SOX5: variants seen among roughly 807,000 people sequenced by gnomAD.
SOX5 encodes the protein SRY-box transcription factor 5, also known as transcription factor SOX-5.
SOX5 carries 9 observed loss-of-function variants against 92.0 expected under a neutral mutation model. That is an observed-to-expected ratio of 0.10 (90% CI 0.06 to 0.17). The LOEUF (loss-of-function observed/expected upper bound fraction) is 0.17. Ranked by LOEUF, SOX5 falls within the 10% of genes least tolerant of loss-of-function variation. The pLI is 1.00. For synonymous variants in SOX5, 344 were observed against 336.3 expected (o/e 1.02, Z -0.25); for missense variants, 642 against 944.5 (o/e 0.68, Z 4.20).
chr12:23,883,169 A>G (rs1180004799), intron 2 of SOX5, among the ~76,000 whole-genome samples: 2 of 150,020 alleles, frequency 1.3e-5, no homozygotes, highest in African/African-American at 4.9e-5. Context: ...CGAGAGTGCG[A>G]GACTCCATCT....
intron 1 of SOX5, among the ~76,000 whole-genome samples, chr12:24,504,374 T>A (rs1438041559): frequency 6.6e-6 from 1 of 152,136 alleles, no homozygotes; most frequent in African/African-American, 2.4e-5. Context: ...TGTGGGCTTT[T>A]AAAAAAATTA....
chr12:23,580,397 C>T (rs1411837819), intron 9 of SOX5, among the ~76,000 whole-genome samples: 1 of 151,946 alleles, frequency 6.6e-6, no homozygotes, highest in Non-Finnish European at 1.5e-5. Flanking sequence ...GTAATACAAA[C>T]ATTTGCTATT....
chr12:23,782,283 G>A (rs2095296250), intron 3 of SOX5, among the ~76,000 whole-genome samples: 1 of 152,058 alleles, frequency 6.6e-6, no homozygotes, highest in African/African-American at 2.4e-5. Flanking sequence ...TGTGGACAAT[G>A]AGAATACGTG....
chr12:23,919,297 T>A (rs1276592243), intron 1 of SOX5, among the ~76,000 whole-genome samples: 1 of 152,180 alleles, frequency 6.6e-6, no homozygotes, highest in Non-Finnish European at 1.5e-5. Flanking sequence ...TGGATTTTTA[T>A]GAGGAATGTC....
At chr12:23,890,930 C>G (rs553308963) in intron 2 of SOX5, among the ~76,000 whole-genome samples, 1 of 152,122 alleles carries the variant, frequency 6.6e-6, no homozygotes, top group African/African-American at 2.4e-5. Context: ...TTTCACATTG[C>G]TTTCAACTGT....
chr12:23,732,751 C>T (rs12426926), intron 6 of SOX5, among the ~76,000 whole-genome samples: 1 of 152,142 alleles, frequency 6.6e-6, no homozygotes, highest in Admixed American at 6.5e-5. Context: ...TCATACTCCA[C>T]AAAAGTTCTA....
chr12:23,991,331 A>C (rs997656116), intron 4 of SOX5, among the ~76,000 whole-genome samples: 3 of 150,642 alleles, frequency 2.0e-5, no homozygotes, highest in African/African-American at 7.4e-5. Flanking sequence ...TAAAAAAAAA[A>C]CAACAACAAC....
At chr12:23,958,813 T>C (rs1237608569) in intron 4 of SOX5, among the ~76,000 whole-genome samples, 3 of 151,560 alleles carry the variant, frequency 2.0e-5, no homozygotes, top group African/African-American at 4.8e-5. Context: ...GTAAAATATA[T>C]ATTAAAGAAT....
intron 5 of SOX5, among the ~76,000 whole-genome samples, chr12:23,739,463 T>G (rs930962899): frequency 2.6e-5 from 4 of 152,198 alleles, no homozygotes; most frequent in Non-Finnish European, 4.4e-5. Context: ...TAGTTTCAAT[T>G]TGATATTAGA....
At chr12:23,625,493 T>C (rs965658805) in intron 8 of SOX5, among the ~76,000 whole-genome samples, 5 of 152,250 alleles carry the variant, frequency 3.3e-5, no homozygotes, top group Non-Finnish European at 5.9e-5. Flanking sequence ...ATCCCAGATA[T>C]CTTTTTCTTT....
chr12:24,207,095 A>T (rs908443564), intron 4 of SOX5, among the ~76,000 whole-genome samples: 2 of 152,230 alleles, frequency 1.3e-5, no homozygotes, highest in Non-Finnish European at 2.9e-5. Context: ...TCTCTGTAAC[A>T]TCAGTGTGTT....
chr12:24,036,490 G>A (rs1339913328), intron 4 of SOX5, among the ~76,000 whole-genome samples: 2 of 152,118 alleles, frequency 1.3e-5, no homozygotes, highest in African/African-American at 4.8e-5. Context: ...GAATTGGTCT[G>A]TAATTTTTAT....
At chr12:23,590,018 C>A (rs1951302148) in intron 9 of SOX5, among the ~76,000 whole-genome samples, 1 of 151,832 alleles carries the variant, frequency 6.6e-6, no homozygotes, top group Non-Finnish European at 1.5e-5. Flanking sequence ...GGGTGACATA[C>A]AATGTAACAG....
intron 4 of SOX5, among the ~76,000 whole-genome samples, chr12:24,037,051 A>G (rs537171618): frequency 3.1e-4 from 47 of 152,134 alleles, no homozygotes; most frequent in African/African-American, 1.1e-3. Context: ...AATGGCATTC[A>G]CACCCTCCAA....
chr12:24,097,361 TTTTG>T (rs891183164), intron 4 of SOX5, among the ~76,000 whole-genome samples: 3 of 152,148 alleles, frequency 2.0e-5, no homozygotes, highest in Middle Eastern at 3.4e-3. Context: ...AGCATAAACA[TTTTG>T]TTTTTTTATA....
chr12:24,308,023 T>C (rs1293307045), intron 2 of SOX5, among the ~76,000 whole-genome samples: 2 of 145,474 alleles, frequency 1.4e-5, no homozygotes, highest in African/African-American at 2.5e-5. Flanking sequence ...AGTCTCCCAG[T>C]AGAAAAAAAA....
intron 10 of SOX5, among the ~76,000 whole-genome samples, chr12:23,567,199 A>G (rs1395077219): frequency 6.6e-6 from 1 of 152,216 alleles, no homozygotes; most frequent in Non-Finnish European, 1.5e-5. Flanking sequence ...AGAGACATAT[A>G]ATGGTTATCT....
intron 1 of SOX5, among the ~76,000 whole-genome samples, chr12:24,441,203 A>G (rs1191284687): frequency 6.6e-6 from 1 of 152,146 alleles, no homozygotes; most frequent in Non-Finnish European, 1.5e-5. Context: ...AAATGCAAAA[A>G]AATTCCCTCC....
intron 1 of SOX5, among the ~76,000 whole-genome samples, chr12:24,458,103 T>A (rs927750037): frequency 5.9e-5 from 9 of 152,156 alleles, no homozygotes; most frequent in African/African-American, 1.9e-4. Context: ...CACCTGAATA[T>A]CTTGTTAAAA....
Sources: allele counts gnomAD v4.1 joint callset (sites outside exome capture counted in the v4.1 genomes callset), GRCh38; gene constraint gnomAD v4.1.1; transcripts MANE v1.5; gene names NCBI Gene and HGNC (gene_info 2026-07-23, HGNC 2026-07-21).